Variants in PROSER3 observed in about 807,000 individuals in gnomAD.
The protein encoded by PROSER3 is proline and serine rich 3.
In PROSER3, 33 loss-of-function variants were observed where a neutral mutation model predicts 50.2. That is an observed-to-expected ratio of 0.66 (90% confidence interval 0.50 to 0.88). The LOEUF (loss-of-function observed/expected upper bound fraction) is 0.88, where lower values mean the gene tolerates loss of function less well. PROSER3 is among the 40% of genes least tolerant of loss of function. The pLI is 0.00. For synonymous variants in PROSER3, 266 were observed against 259.3 expected, an observed-to-expected ratio of 1.03 and a Z score of -0.25; for missense variants, 623 against 612.7, an observed-to-expected ratio of 1.02 and a Z score of -0.18.
chr19:35,759,226 C>T (rs553318757), intron 1 of PROSER3, 148 bp from the exon 2 acceptor site: 7 of 679,654 alleles, frequency 1.0e-5, no homozygotes, highest in South Asian at 7.4e-5. Context: ...TGTCGATATC[C>T]TGAATGTGCA....
chr19:35,759,534 G>C, intron 2 of PROSER3, 64 bp downstream of exon 2: 1 of 1,418,708 alleles, frequency 7.0e-7, no homozygotes, highest in South Asian at 1.2e-5. Context: ...CCTTTAGAGG[G>C]TAGGAAGACA....
intron 5 of PROSER3, among the ~76,000 whole-genome samples, 189 bp from the exon 6 acceptor site, chr19:35,764,665 A>AG (rs1235055759): frequency 1.3e-5 from 2 of 151,544 alleles, no homozygotes; most frequent in Non-Finnish European, 2.9e-5. Context: ...AAAAAAAAAA[A>AG]GAAAAAAAAA....
chr19:35,759,522 G>A, intron 2 of PROSER3, 52 bp downstream of exon 2: 1 of 1,474,538 alleles, frequency 6.8e-7, no homozygotes, highest in Non-Finnish European at 9.4e-7. Context: ...GCAAGAGAAT[G>A]ACCTTTAGAG....
At chr19:35,768,566 C>T in exon 11 of PROSER3, 1 of 1,542,466 alleles carries the variant, frequency 6.5e-7, no homozygotes, top group Admixed American at 2.2e-5. Flanking sequence ...TTCTATTTTA[C>T]CCAGTGAGGC....
intron 7 of PROSER3, 24 bp from the exon 8 acceptor site, chr19:35,766,742 CCT>C: frequency 6.6e-7 from 1 of 1,521,080 alleles, no homozygotes; most frequent in Non-Finnish European, 8.9e-7. Context: ...CCTGCCTCAC[CCT>C]CTCCTCTCTA....
At chr19:35,768,161 A>ACGG in exon 10 of PROSER3, 1 of 1,613,044 alleles carries the variant, frequency 6.2e-7, no homozygotes, top group Non-Finnish European at 8.5e-7. Flanking sequence ...CCAGACTCCG[A>ACGG]CGGCAGCGAG....
intron 2 of PROSER3, 128 bp downstream of exon 2, chr19:35,759,598 C>T (rs958138696): frequency 5.8e-6 from 6 of 1,033,646 alleles, no homozygotes; most frequent in Non-Finnish European, 8.5e-6. Flanking sequence ...GTCCCCTCCC[C>T]ACGGCCCTGC....
chr19:35,760,738 C>T (rs1248616370), intron 3 of PROSER3, among the ~76,000 whole-genome samples: 3 of 152,172 alleles, frequency 2.0e-5, no homozygotes, highest in Non-Finnish European at 4.4e-5. Flanking sequence ...CCACCTGCCT[C>T]AGCCTCCCAA....
chr19:35,767,974 G>A (rs780557451), exon 9 of PROSER3: 2 of 1,605,988 alleles, frequency 1.2e-6, no homozygotes, highest in Non-Finnish European at 1.7e-6. Flanking sequence ...TGGGGTCTCC[G>A]GAGGCCCTGG....
At chr19:35,760,628 G>A (rs1171318225) in intron 3 of PROSER3, among the ~76,000 whole-genome samples, 2 of 152,090 alleles carry the variant, frequency 1.3e-5, no homozygotes, top group Non-Finnish European at 2.9e-5. Context: ...TGGGATTACA[G>A]GTGCCCACCA....
At chr19:35,764,605 G>A (rs959670991) in intron 5 of PROSER3, among the ~76,000 whole-genome samples, 6 of 151,178 alleles carry the variant, frequency 4.0e-5, no homozygotes, top group Non-Finnish European at 8.8e-5. Flanking sequence ...GCTGTGAGCC[G>A]AGATCGTGCC....
chr19:35,768,379 C>T (rs772242673), intron 10 of PROSER3, 25 bp from the exon 11 acceptor site: 10 of 1,590,366 alleles, frequency 6.3e-6, no homozygotes, highest in Admixed American at 5.1e-5. Context: ...ATACCCCAGC[C>T]TCTGCTCTCC....
At chr19:35,769,306 C>CTT (rs35628507), downstream of PROSER3, 28,475 of 133,652 alleles carry the variant, frequency 0.21, 3,355 homozygotes, top group East Asian at 0.3. Flanking sequence ...TCCCCAGCTT[C>CTT]TTTTTTTTTT....
Position 35,762,554 on chromosome 19 carries a change from A to G in PROSER3, c.543+198A>G, listed in dbSNP as rs567827289. The G allele has an allele frequency of 5.8e-6, 3 of 519,248 alleles. No homozygotes were observed. The Admixed American group carries it at 1.0e-4, about 17-fold the overall frequency. The allele number at this position is 519,248 out of a possible 1,614,324, so 32.2% of individuals were successfully genotyped here. ...TGAGATTCTGCCTCTACTAAAAAAA[A>G]AAAAAAAAAGAGAGAGAGAGAGAGA... On this transcript the variant is annotated intron_variant, in intron 5 of 10. Transcript: ENST00000396908.
At position 35,760,135 on chromosome 19, in the gene PROSER3, C is replaced by G. The variant is rs928235290; in HGVS notation, c.311+144C>G. 7.2e-6 allele frequency: 6 copies of G among 837,584 alleles called. No homozygotes were observed. In the African/African-American group the frequency reaches 1.0e-4, roughly 15 times the overall value. The allele number at this position is 837,584 out of a possible 1,614,324, so 51.9% of individuals were successfully genotyped here. On this transcript the variant is annotated intron_variant, in intron 3 of 10. Transcript: ENST00000396908. ...TTTATGTGTGTTAAGAACTCTGGTG[C>G]TAGACTGCCTGAGTTCAAATCCCAG...
intron 10 of PROSER3, 74 bp downstream of exon 10, chr19:35,768,310 CCCT>C: frequency 6.3e-7 from 1 of 1,578,854 alleles, no homozygotes; most frequent in Non-Finnish European, 8.6e-7. Flanking sequence ...AGGCATCCAG[CCCT>C]CCTCATCCCC....
chr19:35,769,173 T>G (rs1395493215), exon 11 of PROSER3: 5 of 152,242 alleles, frequency 3.3e-5, no homozygotes, highest in Admixed American at 3.3e-4. Flanking sequence ...GTCTGTAACC[T>G]AGACCTGGCC....
intron 2 of PROSER3, 129 bp from the exon 3 acceptor site, chr19:35,759,660 T>C (rs1970888560): frequency 9.6e-7 from 1 of 1,039,124 alleles, no homozygotes; most frequent in African/African-American, 1.6e-5. Context: ...CCCATCACAC[T>C]AGGTTGTTAT....
At chr19:35,762,545 C>CAAAA in intron 5 of PROSER3, 189 bp downstream of exon 5, 1 of 272,366 alleles carries the variant, frequency 3.7e-6, no homozygotes, top group East Asian at 5.8e-5. Flanking sequence ...TCTGCCTCTA[C>CAAAA]TAAAAAAAAA....
Sources: allele counts gnomAD v4.1 joint callset (sites outside exome capture counted in the v4.1 genomes callset), GRCh38; gene constraint gnomAD v4.1.1; transcripts MANE v1.5; gene names NCBI Gene and HGNC (gene_info 2026-07-23, HGNC 2026-07-21).